The following LGI1 variants were observed in gnomAD, a reference collection of about 807,000 sequenced individuals.
LGI1 encodes the protein leucine rich glioma inactivated 1, also known as leucine-rich glioma-inactivated protein 1.
In LGI1, 11 loss-of-function variants were observed where a neutral mutation model predicts 57.7. That is an observed-to-expected ratio of 0.19 (90% CI 0.12 to 0.32). The LOEUF is 0.32. Ranked by LOEUF, LGI1 falls within the 10% of genes least tolerant of loss-of-function variation. LGI1 has a pLI of 1.00. For missense variants in LGI1, 422 were observed against 661.9 expected (o/e 0.64, Z 3.98); for synonymous variants, 222 against 241.9 (o/e 0.92, Z 0.76).
intron 2 of LGI1, among the ~76,000 whole-genome samples, chr10:93,766,354 T>G (rs2059678059): frequency 6.6e-6 from 1 of 152,160 alleles, no homozygotes; most frequent in Non-Finnish European, 1.5e-5. Context: ...GGGCCATAGA[T>G]TTTGCCCAAC....
rs113679880 is a variant in LGI1 at position 93,797,428 on chromosome 10, C to T, written c.1299C>T (p.Tyr433=). ...QTDIPNMEDV[Y]AVKHFSVKGD... ...ACATTCCTAACATGGAGGATGTGTA[C>T]GCAGTGAAGCACTTCTCAGTGAAAG... The change falls in exon 8 of 8, where the codon TAC becomes TAT. Residue 433 remains tyrosine (Y), a synonymous_variant. Transcript: ENST00000371418. The surrounding 1 kb of genome is among the most constrained non-coding windows in gnomAD (Gnocchi z 6.5). 1.1e-5 allele frequency: 18 copies of T among 1,614,020 alleles called. No homozygotes were observed. The highest frequency in any genetic ancestry group is 6.7e-5 in the African/African-American group (5 of 74,904).
intron 2 of LGI1, among the ~76,000 whole-genome samples, chr10:93,766,512 C>CTCTTTTTTTTTTTTTTTT (rs1554903463): frequency 3.5e-5 from 3 of 84,588 alleles, no homozygotes; most frequent in African/African-American, 1.5e-4. Context: ...TTATAGATCT[C>CTCTTTTTTTTTTTTTTTT]TTTTTTTTTT....
rs150144838 is a variant in LGI1 at position 93,763,179 on chromosome 10, A to G, written c.287+4348A>G. 5 of 152,362 alleles carry G rather than the reference A, an allele frequency of 3.3e-5. 1 individual carries two copies. The highest frequency in any genetic ancestry group is 1.2e-4 in the African/African-American group (5 of 41,558). The allele number at this position is 152,362 out of a possible 1,614,324, so 9.4% of individuals were successfully genotyped here. On this transcript the variant is annotated intron_variant, in intron 2 of 7. Coordinates refer to ENST00000371418, the MANE Select transcript of LGI1 (RefSeq NM_005097.4). ...GCTCTCCGTGCTTTCATGACTCCCTAGAAACAGAGAAAGTCCAGACACCTG... is the reference window on the plus strand; with the variant it reads ...GCTCTCCGTGCTTTCATGACTCCCTGGAAACAGAGAAAGTCCAGACACCTG...
chr10:93,766,512 C>CTTTTTTTTTTTTTTTTTTT lies in LGI1; in HGVS notation c.287+7691_287+7692insTTTTTTTTTTTTTTTTTTT, dbSNP rs71031537. ...TTGGTGCTAAGCATTTTATAGATCT[C>CTTTTTTTTTTTTTTTTTTT]TTTTTTTTTTGAGACGGAGTCTCGC... On this transcript the variant is annotated intron_variant, in intron 2 of 7. Coordinates refer to ENST00000371418, the MANE Select transcript of LGI1 (RefSeq NM_005097.4). Among the ~76,000 whole-genome samples, 48 of 84,570 alleles carry CTTTTTTTTTTTTTTTTTTT rather than the reference C, an allele frequency of 5.7e-4. 7 individuals carry two copies. The highest frequency in any genetic ancestry group is 1.2e-3 in the Admixed American group (7 of 5,884). The allele number at this position is 84,570 out of a possible 152,430, so 55.5% of individuals were successfully genotyped here. A position where few individuals can be genotyped will look rare whatever the true frequency, so the allele number is the denominator to read the frequency against.
intron 2 of LGI1, among the ~76,000 whole-genome samples, chr10:93,773,617 T>C (rs7909086): frequency 0.036 from 5,552 of 152,226 alleles, 350 homozygotes; most frequent in African/African-American, 0.13. Flanking sequence ...AATCTCCCTC[T>C]TGGTAAGGAA....
chr10:93,784,343 A>C (rs1267177981), intron 4 of LGI1, among the ~76,000 whole-genome samples: 2 of 152,200 alleles, frequency 1.3e-5, no homozygotes, highest in South Asian at 2.1e-4. Context: ...GTCATCTATT[A>C]ATTTTAAAGA....
chr10:93,797,641 G>T lies in LGI1; in HGVS notation c.1512G>T (p.Trp504Cys). The T allele has an allele frequency of 6.2e-7, 1 of 1,614,064 alleles. No individual in the cohort carries two copies. Among genetic ancestry groups the T allele is most frequent in the Non-Finnish European group, 8.5e-7 (1 of 1,180,004 alleles). Residue 504 changes from tryptophan to cysteine, a missense_variant, in exon 8 of 8, where the codon TGG (tryptophan) becomes TGT (cysteine). Physicochemically the swap from Trp to Cys is radical, Grantham distance 215. This residue lies in a region of LGI1 where 301 missense variants were observed against 461.7 expected (regional missense o/e 0.65). Coordinates refer to ENST00000371418, the MANE Select transcript of LGI1 (RefSeq NM_005097.4). This position sits in a 1 kb window ranked among gnomAD's most constrained non-coding sequence, Gnocchi z 6.5. ...SDYSFTQVYN[W>C]DAEKAKFVKF... ...ACTCCTTTACTCAAGTGTATAACTGGGATGCAGAGAAAGCCAAATTTGTGA... is the reference window on the plus strand; with the variant it reads ...ACTCCTTTACTCAAGTGTATAACTGTGATGCAGAGAAAGCCAAATTTGTGA...
intron 4 of LGI1, among the ~76,000 whole-genome samples, chr10:93,777,880 C>A (rs545129094): frequency 6.6e-6 from 1 of 152,320 alleles, no homozygotes; most frequent in South Asian, 2.1e-4. Context: ...GAAATAACTT[C>A]TTTTATTATC....
At chr10:93,771,555 ACT>A (rs2059740289) in intron 2 of LGI1, 1 of 152,204 alleles carries the variant, frequency 6.6e-6, no homozygotes, top group African/African-American at 2.4e-5. Flanking sequence ...ATGATGCAAT[ACT>A]TAACGAGTGC....
intron 5 of LGI1, 158 bp downstream of exon 5, chr10:93,790,328 C>T: frequency 1.5e-6 from 1 of 657,480 alleles, no homozygotes; most frequent in Non-Finnish European, 2.6e-6. Flanking sequence ...TTTACATGGA[C>T]TAACATTTGA....
chr10:93,777,981 C>T (rs2059808600), intron 4 of LGI1, among the ~76,000 whole-genome samples: 2 of 152,132 alleles, frequency 1.3e-5, no homozygotes, highest in Admixed American at 6.5e-5. Flanking sequence ...ACTTTATATA[C>T]ATTTAAACAT....
In LGI1 at chr10:93,797,910, A is replaced by C. The variant is rs1476328160; in HGVS notation, c.*107A>C. On this transcript the variant is annotated 3_prime_UTR_variant, in exon 8 of 8. Coordinates refer to ENST00000371418, the MANE Select transcript of LGI1 (RefSeq NM_005097.4). This position sits in a 1 kb window ranked among gnomAD's most constrained non-coding sequence, Gnocchi z 6.5. ...TCACACTTGCAAATGAATGCCTTTC[A>C]AACATTGAGACTGCTAGAACCAAGC... 2.5e-6 allele frequency: 2 copies of C among 809,410 alleles called. No individual in the cohort carries two copies. The highest frequency in any genetic ancestry group is 4.3e-6 in the Non-Finnish European group (2 of 470,044). 50.1% of individuals were successfully genotyped at this position (809,410 alleles called of 1,614,324 possible).
At chr10:93,765,969 C>CA (rs35644716) in intron 2 of LGI1, among the ~76,000 whole-genome samples, 4,143 of 94,854 alleles carry the variant, frequency 0.044, 151 homozygotes, top group East Asian at 0.12. Flanking sequence ...GCCTCCGTCT[C>CA]AAAAAAAAAA....
chr10:93,785,088 GTGTGTGTATA>G (rs2059884554), intron 4 of LGI1, among the ~76,000 whole-genome samples: 1 of 151,970 alleles, frequency 6.6e-6, no homozygotes, highest in African/African-American at 2.4e-5. Context: ...TGCATATGTA[GTGTGTGTATA>G]TGTGTGTGTG....
chr10:93,780,088 A>G (rs2059833145), intron 4 of LGI1, among the ~76,000 whole-genome samples: 1 of 152,212 alleles, frequency 6.6e-6, no homozygotes, highest in Non-Finnish European at 1.5e-5. Context: ...GTCCCACCTT[A>G]GAGAAGCTCA....
At chr10:93,792,960 A>T in intron 6 of LGI1, 48 bp downstream of exon 6, 1 of 1,561,966 alleles carries the variant, frequency 6.4e-7, no homozygotes, top group South Asian at 1.1e-5. Context: ...AATAAGGGCT[A>T]CCTTTTTTTT....
intron 2 of LGI1, among the ~76,000 whole-genome samples, chr10:93,773,730 C>G (rs1036577059): frequency 6.6e-6 from 1 of 152,058 alleles, no homozygotes; most frequent in Non-Finnish European, 1.5e-5. Flanking sequence ...AGGGTGTAGA[C>G]AGATCAGGCA....
chr10:93,789,436 G>A (rs929598215), intron 4 of LGI1: 2 of 152,596 alleles, frequency 1.3e-5, no homozygotes, highest in African/African-American at 4.8e-5. Context: ...AAGAGGAGGG[G>A]GCGCATTTTG....
At chr10:93,771,492 G>T (rs1175249123) in intron 2 of LGI1, 4 of 152,052 alleles carry the variant, frequency 2.6e-5, no homozygotes, top group African/African-American at 9.7e-5. Flanking sequence ...ATAAAGTGTG[G>T]AATGATAGAC....
Sources: gnomAD v4.1 joint callset for allele counts (sites outside exome capture counted in the v4.1 genomes callset) on GRCh38, gnomAD v4.1.1 for gene constraint, gnomAD v4.1.1 regional missense constraint, Gnocchi (gnomAD v3.1) non-coding constraint, MANE v1.5 for transcripts, NCBI Gene and HGNC (gene_info 2026-07-23, HGNC 2026-07-21) for gene names.